DNAH8: variants seen among roughly 807,000 people sequenced by gnomAD.
DNAH8 encodes dynein axonemal heavy chain 8.
DNAH8 carries 382 observed loss-of-function variants against 562.1 expected under a neutral mutation model. The observed-to-expected ratio is 0.68, with a 90% CI of 0.63 to 0.74. The LOEUF (loss-of-function observed/expected upper bound fraction) is 0.74. Ranked by LOEUF, DNAH8 falls within the 30% of genes least tolerant of loss-of-function variation. The pLI is 0.00. For missense variants in DNAH8, 5,203 were observed against 5,620.4 expected (o/e 0.93, Z 2.37); for synonymous variants, 1,881 against 1,919.4 (o/e 0.98, Z 0.52).
rs1242166967 is a variant in DNAH8 at position 39,012,338 on chromosome 6, G to A, written c.13495G>A (p.Ala4499Thr). The change falls in exon 90 of 93, where the codon GCC becomes ACC. Residue 4499 changes from alanine (A) to threonine (T), a missense_variant. Coordinates refer to ENST00000327475, the MANE Select transcript of DNAH8 (RefSeq NM_001206927.2). Reference protein sequence around the residue: ...LRSSLSDLKLAIEGTIIMSEN... With the variant: ...LRSSLSDLKLTIEGTIIMSEN... The stretch of plus-strand genomic sequence containing the variant: ...CAGTAGCCTGAGTGATCTAAAATTG[G>A]CCATTGAAGGAACAATCATTATGAG... 2.5e-6 allele frequency: 4 copies of A among 1,612,980 alleles called. No homozygotes were observed. The highest frequency in any genetic ancestry group is 3.4e-6 in the Non-Finnish European group (4 of 1,179,182).
chr6:38,857,266 T>C (rs1474213474), intron 41 of DNAH8, among the ~76,000 whole-genome samples: 1 of 152,216 alleles, frequency 6.6e-6, no homozygotes, highest in Admixed American at 6.5e-5. Context: ...TAGAAAAATT[T>C]CCTAACCATC....
intron 74 of DNAH8, among the ~76,000 whole-genome samples, chr6:38,927,123 G>A (rs1782183529): frequency 6.6e-6 from 1 of 152,166 alleles, no homozygotes; most frequent in Admixed American, 6.5e-5. Context: ...ATTAATCAAA[G>A]TGTGTCATCA....
chr6:38,914,088 A>C (rs958327522), intron 67 of DNAH8, 136 bp downstream of exon 67: 1 of 637,452 alleles, frequency 1.6e-6, no homozygotes, highest in African/African-American at 1.8e-5. Flanking sequence ...CACAAAGACC[A>C]TTAGACATTT....
intron 53 of DNAH8, 80 bp from the exon 54 acceptor site, chr6:38,882,830 T>C: frequency 1.1e-6 from 1 of 936,684 alleles, no homozygotes; most frequent in South Asian, 2.9e-5. Flanking sequence ...TGATTGTTTA[T>C]TGCACTTAAC....
rs1206266759 is a variant in DNAH8 at position 38,715,925 on chromosome 6, AATATATAT to A, written c.-35+539_-35+546del. ...ATTAAAATAAATAAATAAATAAATA[AATATATAT>A]ATATATATATATATATATATATATA... On this transcript the variant is annotated intron_variant, in intron 1 of 92. Coordinates refer to ENST00000327475, the MANE Select transcript of DNAH8 (RefSeq NM_001206927.2). Among the ~76,000 whole-genome samples, 25 of 36,888 alleles carry A rather than the reference AATATATAT, an allele frequency of 6.8e-4. 1 individual carries two copies. The highest frequency in any genetic ancestry group is 1.8e-3 in the East Asian group (3 of 1,702). The allele number at this position is 36,888 out of a possible 152,430, so 24.2% of individuals were successfully genotyped here.
chr6:38,818,758 A>G (rs1164098524), intron 26 of DNAH8, among the ~76,000 whole-genome samples: 3 of 152,210 alleles, frequency 2.0e-5, no homozygotes, highest in Non-Finnish European at 4.4e-5. Context: ...ACTTGAAGGC[A>G]GAATGCCTGG....
intron 91 of DNAH8, among the ~76,000 whole-genome samples, chr6:39,021,810 C>T (rs1327295674): frequency 6.6e-6 from 1 of 152,162 alleles, no homozygotes; most frequent in Non-Finnish European, 1.5e-5. Flanking sequence ...GAAAATGTTG[C>T]TTATTTTTAG....
At chr6:38,721,717 A>G (rs1253712532) in intron 1 of DNAH8, among the ~76,000 whole-genome samples, 1 of 152,166 alleles carries the variant, frequency 6.6e-6, no homozygotes, top group Non-Finnish European at 1.5e-5. Context: ...AAACAATTAT[A>G]GCTGTTTATG....
intron 11 of DNAH8, chr6:38,764,528 C>T (rs1465679635): frequency 6.6e-6 from 1 of 152,090 alleles, no homozygotes; most frequent in East Asian, 1.9e-4. Context: ...CTCTCAAGTA[C>T]ATGAAGTAGG....
At chr6:38,790,135 G>A (rs1353164035) in intron 19 of DNAH8, among the ~76,000 whole-genome samples, 154 bp from the exon 20 acceptor site, 1 of 151,374 alleles carries the variant, frequency 6.6e-6, no homozygotes, top group Non-Finnish European at 1.5e-5. Context: ...AGCCAAAGAT[G>A]GTTAAAAATA....
intron 33 of DNAH8, among the ~76,000 whole-genome samples, chr6:38,840,976 AT>A (rs1774731816): frequency 6.6e-6 from 1 of 151,844 alleles, no homozygotes; most frequent in African/African-American, 2.4e-5. Flanking sequence ...TTTTTTAGTC[AT>A]TTTTAGCATA....
intron 1 of DNAH8, among the ~76,000 whole-genome samples, chr6:38,719,216 C>T (rs990202145): frequency 4.1e-4 from 62 of 152,268 alleles, no homozygotes; most frequent in African/African-American, 1.5e-3. Flanking sequence ...GCACTTGTGG[C>T]TTGAAGTAGT....
At chr6:38,901,162 T>G (rs1780051572) in intron 62 of DNAH8, among the ~76,000 whole-genome samples, 1 of 152,218 alleles carries the variant, frequency 6.6e-6, no homozygotes, top group Admixed American at 6.5e-5. Context: ...GTTATTGATT[T>G]GCCTTTTCAT....
Position 38,990,140 on chromosome 6 carries a change from A to C in DNAH8, c.13182A>C (p.Glu4394Asp), listed in dbSNP as rs934747831. ...IQSLPSLDNP[E>D]VFGLHPNADI... ...CACTGCCATCCCTAGATAACCCTGA[A>C]GTCTTTGGGCTTCACCCTAATGCTG... Residue 4394 changes from glutamate to aspartate, a missense_variant, in exon 88 of 93, where the codon GAA becomes GAC. Glu to Asp is a conservative substitution (Grantham distance 45). Around this residue, in one of 6 missense-constraint regions of DNAH8, gnomAD observed 1,399 missense variants for 1,518.4 expected, o/e 0.92. Transcript: ENST00000327475. The C allele has an allele frequency of 5.6e-6, 9 of 1,612,460 alleles. No individual in the cohort carries two copies. In the Admixed American group the frequency reaches 8.3e-5, roughly 15 times the overall value.
chr6:38,999,525 A>C (rs933711163), intron 88 of DNAH8, among the ~76,000 whole-genome samples: 1 of 151,990 alleles, frequency 6.6e-6, no homozygotes, highest in Non-Finnish European at 1.5e-5. Flanking sequence ...AAATAATAAG[A>C]AGAATAGTTT....
At chr6:38,922,067 G>A (rs547903524) in intron 71 of DNAH8, among the ~76,000 whole-genome samples, 1 of 67,372 alleles carries the variant, frequency 1.5e-5, no homozygotes, top group African/African-American at 3.3e-5. Context: ...CACTTCTTTT[G>A]TGGTGGAATG....
intron 8 of DNAH8, among the ~76,000 whole-genome samples, chr6:38,742,590 C>T (rs1176875093): frequency 6.6e-6 from 1 of 152,140 alleles, no homozygotes; most frequent in Non-Finnish European, 1.5e-5. Context: ...GCGTGAGCAA[C>T]CGCACCTGGC....
At position 38,876,206 on chromosome 6, in the gene DNAH8, G is replaced by A. The variant is rs138296070; in HGVS notation, c.7858+378G>A. On this transcript the variant is annotated intron_variant, in intron 53 of 92. Transcript: ENST00000327475. ...GATCAGCCCCACAATTCCCCTGTTG[G>A]GAATGCCAGAATGAGTAGAGAATGA... is the stretch of plus-strand genomic sequence containing the variant. 1.5e-3 allele frequency among the ~76,000 whole-genome samples: 235 copies of A among 152,270 alleles called. No individual in the cohort carries two copies. In the Middle Eastern group the frequency reaches 0.024, roughly 15 times the overall value.
chr6:38,990,270 C>T, intron 88 of DNAH8, 98 bp downstream of exon 88: 1 of 823,598 alleles, frequency 1.2e-6, no homozygotes, highest in Non-Finnish European at 1.9e-6. Flanking sequence ...TCTCCTTTCC[C>T]CCTTTTTTTA....
Sources: gnomAD v4.1 joint callset for allele counts (sites outside exome capture counted in the v4.1 genomes callset) on GRCh38, gnomAD v4.1.1 for gene constraint, gnomAD v4.1.1 regional missense constraint, MANE v1.5 for transcripts, NCBI Gene and HGNC (gene_info 2026-07-23, HGNC 2026-07-21) for gene names.